The following DYM variants were observed in gnomAD, a reference collection of about 807,000 sequenced individuals.
DYM encodes the protein dyggve-Melchior-Clausen syndrome protein.
In DYM, 78 loss-of-function variants were observed where a neutral mutation model predicts 93.1. The ratio of observed to expected loss-of-function variants is 0.84; its 90% CI spans 0.70 to 1.01. The LOEUF is 1.01. Ranked by LOEUF, DYM falls within the 50% of genes least tolerant of loss-of-function variation. The pLI is 0.00. For missense variants in DYM, 789 were observed against 845.0 expected, an observed-to-expected ratio of 0.93 and a Z score of 0.82; for synonymous variants, 321 against 319.7, an observed-to-expected ratio of 1.00 and a Z score of -0.04.
intron 2 of DYM, among the ~76,000 whole-genome samples, chr18:49,399,164 G>A (rs1282203718): frequency 1.3e-5 from 2 of 152,180 alleles, no homozygotes; most frequent in South Asian, 2.1e-4. Context: ...TTCAGTACAG[G>A]GGAAGTATGA....
At chr18:49,220,288 A>G (rs1460668803) in intron 13 of DYM, among the ~76,000 whole-genome samples, 2 of 149,458 alleles carry the variant, frequency 1.3e-5, no homozygotes, top group East Asian at 2.0e-4. Context: ...TTCCATGCTC[A>G]TGGGTAGGAA....
chr18:49,441,043 TATATA>T (rs1441705835), intron 1 of DYM, among the ~76,000 whole-genome samples: 2 of 7,484 alleles, frequency 2.7e-4, no homozygotes, highest in African/African-American at 3.1e-4. Flanking sequence ...AATATATAAA[TATATA>T]ATATATTTAT....
chr18:49,303,180 T>C (rs2061052570), intron 8 of DYM, among the ~76,000 whole-genome samples: 1 of 152,222 alleles, frequency 6.6e-6, no homozygotes. Flanking sequence ...CATCTTGGTA[T>C]CACATCTGCA....
chr18:49,322,440 G>C (rs971149193), intron 8 of DYM, among the ~76,000 whole-genome samples: 13 of 151,628 alleles, frequency 8.6e-5, no homozygotes, highest in African/African-American at 3.2e-4. Flanking sequence ...CCCTTTTTTA[G>C]ACATTGGAGA....
At chr18:49,362,373 G>A (rs936149825) in intron 6 of DYM, among the ~76,000 whole-genome samples, 6 of 152,034 alleles carry the variant, frequency 3.9e-5, no homozygotes, top group South Asian at 2.1e-4. Flanking sequence ...TGAACATTTC[G>A]AATCACAAAG....
chr18:49,220,799 A>T (rs1598728771), intron 13 of DYM, among the ~76,000 whole-genome samples: 1 of 152,340 alleles, frequency 6.6e-6, no homozygotes, highest in East Asian at 1.9e-4. Flanking sequence ...AACCATAAAA[A>T]CCCTAGAAGA....
At chr18:49,145,108 C>CATATATATATATATATAT (rs56212722) in intron 15 of DYM, among the ~76,000 whole-genome samples, 702 of 18,504 alleles carry the variant, frequency 0.038, 27 homozygotes, top group Non-Finnish European at 0.044. Context: ...CAAAAAAATT[C>CATATATATATATATATAT]ATATATATAT....
At chr18:49,275,303 C>T (rs2145606555) in intron 10 of DYM, among the ~76,000 whole-genome samples, 1 of 152,282 alleles carries the variant, frequency 6.6e-6, no homozygotes, top group South Asian at 2.1e-4. Context: ...TTTCTAGACT[C>T]TCAATTCAAC....
chr18:49,268,340 C>T (rs2094606107), intron 11 of DYM, among the ~76,000 whole-genome samples: 1 of 152,110 alleles, frequency 6.6e-6, no homozygotes, highest in African/African-American at 2.4e-5. Flanking sequence ...AGAAAAAGAA[C>T]AAGTGTTTCA....
intron 8 of DYM, among the ~76,000 whole-genome samples, chr18:49,316,112 T>C (rs978070302): frequency 6.6e-6 from 1 of 152,094 alleles, no homozygotes; most frequent in Non-Finnish European, 1.5e-5. Flanking sequence ...TGAAATCCCA[T>C]CTCTACTAAA....
chr18:49,226,526 C>T (rs911186242), intron 13 of DYM, among the ~76,000 whole-genome samples: 1 of 152,132 alleles, frequency 6.6e-6, no homozygotes, highest in Non-Finnish European at 1.5e-5. Flanking sequence ...TTGCTGTCTA[C>T]TCTACTTGTG....
intron 14 of DYM, among the ~76,000 whole-genome samples, chr18:49,195,724 G>C (rs1180973191): frequency 6.6e-6 from 1 of 152,146 alleles, no homozygotes; most frequent in African/African-American, 2.4e-5. Context: ...ATGGTTATCA[G>C]ATAATTTCAA....
chr18:49,277,542 C>T (rs932888134), intron 10 of DYM, among the ~76,000 whole-genome samples: 2 of 152,116 alleles, frequency 1.3e-5, no homozygotes, highest in East Asian at 3.9e-4. Context: ...AGAGGTGGGG[C>T]CCTTGGGAGG....
intron 10 of DYM, among the ~76,000 whole-genome samples, chr18:49,274,506 C>A (rs755625100): frequency 6.6e-6 from 1 of 152,142 alleles, no homozygotes; most frequent in Non-Finnish European, 1.5e-5. Flanking sequence ...GGGTATATAT[C>A]TAGCCTTGGA....
intron 13 of DYM, among the ~76,000 whole-genome samples, chr18:49,218,295 C>A (rs945662821): frequency 6.6e-6 from 1 of 152,160 alleles, no homozygotes; most frequent in African/African-American, 2.4e-5. Flanking sequence ...GACTCCCACA[C>A]AATAATAATG....
intron 2 of DYM, among the ~76,000 whole-genome samples, chr18:49,429,694 T>G (rs924914724): frequency 1.3e-5 from 2 of 152,206 alleles, no homozygotes; most frequent in African/African-American, 4.8e-5. Context: ...GACCCAGCAA[T>G]TCTACTTCAA....
At chr18:49,114,203 T>A (rs986114356) in intron 16 of DYM, among the ~76,000 whole-genome samples, 19 of 152,246 alleles carry the variant, frequency 1.2e-4, no homozygotes, top group Admixed American at 1.2e-3. Flanking sequence ...TAAAGTGGGA[T>A]AATAATCCTA....
At chr18:49,129,752 G>A (rs2083210201) in intron 15 of DYM, among the ~76,000 whole-genome samples, 1 of 152,126 alleles carries the variant, frequency 6.6e-6, no homozygotes, top group African/African-American at 2.4e-5. Context: ...AACTGCTGCT[G>A]GGGGCAGGCT....
chr18:49,392,486 C>T (rs1417788323), intron 2 of DYM, among the ~76,000 whole-genome samples: 1 of 151,862 alleles, frequency 6.6e-6, no homozygotes, highest in Non-Finnish European at 1.5e-5. Flanking sequence ...ACTTTTAAAA[C>T]TCCTACAACT....
Sources: allele counts gnomAD v4.1 joint callset (sites outside exome capture counted in the v4.1 genomes callset), GRCh38; gene constraint gnomAD v4.1.1; transcripts MANE v1.5; gene names NCBI Gene and HGNC (gene_info 2026-07-23, HGNC 2026-07-21).